FAT3: variants seen among roughly 807,000 people sequenced by gnomAD.
FAT3 encodes the protein FAT atypical cadherin 3, also known as protocadherin Fat 3.
A neutral mutation model predicts 310.2 loss-of-function variants in FAT3; 95 were observed. The ratio of observed to expected loss-of-function variants is 0.31; its 90% CI spans 0.26 to 0.36. The LOEUF (loss-of-function observed/expected upper bound fraction) is 0.36. Ranked by LOEUF, FAT3 falls within the 10% of genes least tolerant of loss-of-function variation. The probability of loss-of-function intolerance (pLI) is 1.00; values close to 1 mark genes in which losing one functional copy is unlikely to be tolerated. For missense variants in FAT3, 5,408 were observed against 5,715.6 expected (o/e 0.95, Z 1.74); for synonymous variants, 2,314 against 2,192.9 (o/e 1.06, Z -1.54).
At chr11:92,235,628 A>G (rs574518792) in intron 1 of FAT3, among the ~76,000 whole-genome samples, 31 of 152,356 alleles carry the variant, frequency 2.0e-4, no homozygotes, top group East Asian at 1.9e-3. Context: ...TTGACCATCT[A>G]TGACCAAATA....
At chr11:92,446,808 G>T (rs556414547) in intron 2 of FAT3, among the ~76,000 whole-genome samples, 1 of 152,114 alleles carries the variant, frequency 6.6e-6, no homozygotes, top group African/African-American at 2.4e-5. Context: ...ATTGAAAGTG[G>T]AAATGAGTAT....
chr11:92,615,361 C>T (rs191822089), intron 3 of FAT3, among the ~76,000 whole-genome samples: 1 of 152,316 alleles, frequency 6.6e-6, no homozygotes, highest in African/African-American at 2.4e-5. Context: ...ATTCTCCCGC[C>T]TCAGCCTCCC....
chr11:92,702,170 C>T (rs767366206), intron 4 of FAT3, among the ~76,000 whole-genome samples: 6 of 152,132 alleles, frequency 3.9e-5, no homozygotes, highest in African/African-American at 1.2e-4. Context: ...ATGCTCAGGA[C>T]GCTGTCTGTT....
At chr11:92,780,459 A>T (rs1591722108) in intron 7 of FAT3, among the ~76,000 whole-genome samples, 1 of 151,976 alleles carries the variant, frequency 6.6e-6, no homozygotes, top group African/African-American at 2.4e-5. Flanking sequence ...GAGGCACTGC[A>T]CCCAGCCTAT....
At chr11:92,886,833 C>G in intron 24 of FAT3, 167 bp from the exon 25 acceptor site, 1 of 602,118 alleles carries the variant, frequency 1.7e-6, no homozygotes, top group Non-Finnish European at 3.0e-6. Context: ...ATTGACAGAA[C>G]TTTGCCCCCA....
chr11:92,751,650 A>C (rs1591683788), intron 4 of FAT3, among the ~76,000 whole-genome samples: 1 of 152,190 alleles, frequency 6.6e-6, no homozygotes, highest in African/African-American at 2.4e-5. Flanking sequence ...GACTGGAGCC[A>C]GTCAAAGATG....
At chr11:92,744,521 G>T (rs1252678792) in intron 4 of FAT3, among the ~76,000 whole-genome samples, 1 of 152,128 alleles carries the variant, frequency 6.6e-6, no homozygotes, top group Non-Finnish European at 1.5e-5. Flanking sequence ...GTCTAAACAT[G>T]CAGTGTTCCC....
rs1317961573 is a variant in FAT3, at chr11:92,479,542, C to A, written c.3293-45092C>A. ...TTAAAATCTGATAAAATCATGCAGG[C>A]CTTGAATGGCCTAAATACAAGCTGT... On this transcript the variant is annotated intron_variant, in intron 2 of 27. Transcript: ENST00000525166. Among the ~76,000 whole-genome samples the A allele has an allele frequency of 2.0e-5, 3 of 152,252 alleles. No individual in the cohort carries two copies. In the East Asian group the frequency reaches 5.8e-4, roughly 29 times the overall value.
chr11:92,787,707 A>C (rs1338725952), intron 7 of FAT3, among the ~76,000 whole-genome samples: 1 of 150,306 alleles, frequency 6.7e-6, no homozygotes, highest in Non-Finnish European at 1.5e-5. Context: ...CATAATTATA[A>C]AATAAAAAGA....
intron 1 of FAT3, among the ~76,000 whole-genome samples, chr11:92,259,309 G>A (rs1035672682): frequency 1.3e-5 from 2 of 152,088 alleles, no homozygotes; most frequent in Non-Finnish European, 2.9e-5. Context: ...TTAAACTCTT[G>A]ACATTTAAAG....
chr11:92,815,382 G>A (rs888664879), intron 13 of FAT3, among the ~76,000 whole-genome samples: 1 of 152,006 alleles, frequency 6.6e-6, no homozygotes, highest in Non-Finnish European at 1.5e-5. Context: ...GACCATCCTG[G>A]CTAACACAGT....
intron 22 of FAT3, among the ~76,000 whole-genome samples, chr11:92,878,124 G>A (rs1404376054): frequency 1.3e-5 from 2 of 152,154 alleles, no homozygotes; most frequent in African/African-American, 2.4e-5. Flanking sequence ...AGGCTGGCTG[G>A]TTGAAAATTC....
intron 3 of FAT3, among the ~76,000 whole-genome samples, chr11:92,615,224 T>C (rs1345900642): frequency 6.6e-6 from 1 of 152,156 alleles, no homozygotes; most frequent in African/African-American, 2.4e-5. Flanking sequence ...AACTTGTTAA[T>C]TTCTTTTCTT....
At chr11:92,794,294 C>A (rs1192542405) in intron 9 of FAT3, among the ~76,000 whole-genome samples, 1 of 152,114 alleles carries the variant, frequency 6.6e-6, no homozygotes, top group Non-Finnish European at 1.5e-5. Context: ...GAAAATGTCA[C>A]CTAACCCAAC....
At chr11:92,239,048 G>A (rs987027994) in intron 1 of FAT3, among the ~76,000 whole-genome samples, 6 of 152,060 alleles carry the variant, frequency 3.9e-5, no homozygotes, top group African/African-American at 1.4e-4. Context: ...ACAACTCTAT[G>A]AGGCAAATAC....
At chr11:92,660,544 G>T (rs541963639) in intron 3 of FAT3, among the ~76,000 whole-genome samples, 1 of 152,282 alleles carries the variant, frequency 6.6e-6, no homozygotes, top group African/African-American at 2.4e-5. Context: ...GGTCCAGATT[G>T]CATCCTGCTC....
At chr11:92,577,557 T>C (rs1238883702) in intron 3 of FAT3, among the ~76,000 whole-genome samples, 2 of 152,318 alleles carry the variant, frequency 1.3e-5, no homozygotes, top group Middle Eastern at 3.4e-3. Context: ...GTTTATCATT[T>C]ATTTGTGGGA....
intron 1 of FAT3, among the ~76,000 whole-genome samples, chr11:92,281,069 G>T (rs1010108721): frequency 2.0e-5 from 3 of 152,078 alleles, no homozygotes; most frequent in African/African-American, 7.2e-5. Context: ...TATGCAGTAA[G>T]GGATTGATTT....
chr11:92,631,200 C>A (rs1291058212), intron 3 of FAT3, among the ~76,000 whole-genome samples: 1 of 152,122 alleles, frequency 6.6e-6, no homozygotes, highest in African/African-American at 2.4e-5. Context: ...ACAGTGAGTT[C>A]CTCAGACTTG....
Sources: allele counts gnomAD v4.1 joint callset (sites outside exome capture counted in the v4.1 genomes callset), GRCh38; gene constraint gnomAD v4.1.1; transcripts MANE v1.5; gene names NCBI Gene and HGNC (gene_info 2026-07-23, HGNC 2026-07-21).